Variants in PCDHGA5 observed in about 807,000 individuals in gnomAD.
PCDHGA5 encodes protocadherin gamma subfamily A, 5.
PCDHGA5 carries 36 observed loss-of-function variants against 56.7 expected under a neutral mutation model. The observed-to-expected ratio is 0.64, with a 90% CI of 0.49 to 0.84. PCDHGA5 has a LOEUF of 0.84. Ranked by LOEUF, PCDHGA5 falls within the 40% of genes least tolerant of loss-of-function variation. The pLI is 0.00. For missense variants in PCDHGA5, 1,305 were observed against 1,201.5 expected (o/e 1.09, Z -1.27); for synonymous variants, 563 against 520.2 (o/e 1.08, Z -1.12).
rs774682943 is a variant in PCDHGA5 at position 141,493,841 on chromosome 5, T to G, written c.2422-966T>G. Among the ~76,000 whole-genome samples the G allele has an allele frequency of 3.3e-5, 5 of 152,024 alleles. No homozygotes were observed. Among genetic ancestry groups the G allele is most frequent in the Non-Finnish European group, 7.4e-5 (5 of 68,010 alleles). On this transcript the variant is annotated intron_variant, in intron 1 of 3. Transcript: ENST00000518069. This position sits in a 1 kb window ranked among gnomAD's most constrained non-coding sequence, Gnocchi z 4.3. The stretch of plus-strand genomic sequence containing the variant: ...CTCTGCTTCTGGGAGCAAGTATGAG[T>G]ATTAATTACCAGCCCACCCCAGAAC...
intron 1 of PCDHGA5, chr5:141,422,851 C>A (rs1459531183): frequency 1.2e-6 from 2 of 1,614,122 alleles, no homozygotes; most frequent in African/African-American, 1.3e-5. Flanking sequence ...CGGGGACCCG[C>A]CCCTCAGCAG....
intron 1 of PCDHGA5, among the ~76,000 whole-genome samples, chr5:141,494,146 T>C (rs1167835696): frequency 1.3e-5 from 2 of 152,168 alleles, no homozygotes; most frequent in Non-Finnish European, 2.9e-5. Context: ...TCACAGACCA[T>C]TGTCTGGCAC....
intron 1 of PCDHGA5, chr5:141,413,659 A>G (rs2095663872): frequency 1.2e-6 from 2 of 1,613,830 alleles, no homozygotes; most frequent in African/African-American, 1.3e-5. Flanking sequence ...CCCGGAAGCT[A>G]TTGATCCGGA....
intron 1 of PCDHGA5, among the ~76,000 whole-genome samples, chr5:141,448,274 T>G (rs2098579713): frequency 6.6e-6 from 1 of 152,196 alleles, no homozygotes; most frequent in South Asian, 2.1e-4. Context: ...TATATACTGT[T>G]GTGCAACTTG....
chr5:141,471,630 G>T (rs2099261496), intron 1 of PCDHGA5: 1 of 152,108 alleles, frequency 6.6e-6, no homozygotes, highest in African/African-American at 2.4e-5. Context: ...GCATTGGTAT[G>T]GATTAGTAAT....
intron 1 of PCDHGA5, chr5:141,415,772 T>TTTA (rs1561760673): frequency 5.3e-6 from 7 of 1,332,980 alleles, no homozygotes; most frequent in Non-Finnish European, 6.7e-6. Flanking sequence ...TTTTTTTTTT[T>TTTA]ACTTTCTGGT....
chr5:141,454,796 A>ATTTTTTTTTTTTTTTTTTTTTTTTTTTT (rs61612330), intron 1 of PCDHGA5, among the ~76,000 whole-genome samples: 3 of 77,456 alleles, frequency 3.9e-5, no homozygotes, highest in Admixed American at 1.8e-4. Flanking sequence ...CATGGTTCTA[A>ATTTTTTTTTTTTTTTTTTTTTTTTTTTT]TTTTTTTTTT....
At chr5:141,482,356 G>T (rs1330274684) in intron 1 of PCDHGA5, among the ~76,000 whole-genome samples, 1 of 152,236 alleles carries the variant, frequency 6.6e-6, no homozygotes, top group East Asian at 1.9e-4. Flanking sequence ...TGTTGTGAGA[G>T]TGAAAAGTAA....
At position 141,432,275 on chromosome 5, in the gene PCDHGA5, T is replaced by C. The variant is rs775413198; in HGVS notation, c.2422-62532T>C. 2 of 1,614,232 alleles carry C rather than the reference T, an allele frequency of 1.2e-6. No homozygotes were observed. Among genetic ancestry groups the C allele is most frequent in the South Asian group, 2.2e-5 (2 of 91,086 alleles). On this transcript the variant is annotated intron_variant, in intron 1 of 3. Coordinates refer to ENST00000518069, the MANE Select transcript of PCDHGA5 (RefSeq NM_018918.3). This position sits in a 1 kb window ranked among gnomAD's most constrained non-coding sequence, Gnocchi z 6.0. ...AGGGGCAAGCCTATCGTCCTACGTG[T>C]CCATCAACTCCGACACTGGGGTACT... is the stretch of plus-strand genomic sequence containing the variant.
At chr5:141,414,706 A>G in intron 1 of PCDHGA5, 1 of 1,614,002 alleles carries the variant, frequency 6.2e-7, no homozygotes, top group South Asian at 1.1e-5. Context: ...ATACATATCC[A>G]TCAACTCAGA....
intron 1 of PCDHGA5, among the ~76,000 whole-genome samples, chr5:141,451,032 A>G: frequency 6.6e-6 from 1 of 150,486 alleles, no homozygotes; most frequent in Non-Finnish European, 1.5e-5. Context: ...GTTTCACCAT[A>G]TTGGCCAGGC....
chr5:141,392,735 C>T, intron 1 of PCDHGA5: 1 of 1,428,540 alleles, frequency 7.0e-7, no homozygotes, highest in East Asian at 2.5e-5. Context: ...ATTGTCATCT[C>T]CATAGCTGCG....
At chr5:141,413,199 A>T in intron 1 of PCDHGA5, 1 of 1,611,930 alleles carries the variant, frequency 6.2e-7, no homozygotes, top group Non-Finnish European at 8.5e-7. Flanking sequence ...GGAATCGCTC[A>T]AAGGAATCAA....
intron 1 of PCDHGA5, chr5:141,399,509 AC>A: frequency 6.2e-7 from 1 of 1,613,968 alleles, no homozygotes; most frequent in Non-Finnish European, 8.5e-7. Flanking sequence ...CCCGAAAACA[AC>A]CCTCCTGGGG....
intron 1 of PCDHGA5, among the ~76,000 whole-genome samples, chr5:141,469,102 A>G (rs1423904196): frequency 6.6e-6 from 1 of 151,626 alleles, no homozygotes; most frequent in East Asian, 1.9e-4. Flanking sequence ...CAAAGCAAGA[A>G]CCTGTCTCTA....
At chr5:141,380,678 T>C (rs1387633000) in intron 1 of PCDHGA5, among the ~76,000 whole-genome samples, 3 of 152,250 alleles carry the variant, frequency 2.0e-5, no homozygotes, top group Non-Finnish European at 4.4e-5. Flanking sequence ...AGGGTATGTA[T>C]GCTTTGTGTT....
In PCDHGA5 at chr5:141,393,242, C is replaced by T. The variant is rs151037104; in HGVS notation, c.2421+26491C>T. 1,015 of 1,613,778 alleles carry T rather than the reference C, an allele frequency of 6.3e-4. 8 individuals carry two copies. The African/African-American group carries it at 0.012, about 18-fold the overall frequency. ...TCGAAGATCTAGAAGTAAAAATTAA[C>T]GAAATCGCGGTTCCTGGAGCACGTT... is the stretch of plus-strand genomic sequence containing the variant. On this transcript the variant is annotated intron_variant, in intron 1 of 3. Coordinates refer to ENST00000518069, the MANE Select transcript of PCDHGA5 (RefSeq NM_018918.3).
intron 1 of PCDHGA5, chr5:141,404,152 T>C (rs769503668): frequency 1.9e-5 from 31 of 1,612,848 alleles, no homozygotes; most frequent in Non-Finnish European, 2.0e-5. Flanking sequence ...CAGAAGAAGA[T>C]TATTACAGAT....
Position 141,432,943 on chromosome 5 carries a change from A to G in PCDHGA5, c.2422-61864A>G, listed in dbSNP as rs1200038728. ...ACAAGTCACGCCTGCTGCAGGCTTC[A>G]GGAGGCGGCTTGACAGGAGCGCCGG... On this transcript the variant is annotated intron_variant, in intron 1 of 3. Transcript: ENST00000518069. This position sits in a 1 kb window ranked among gnomAD's most constrained non-coding sequence, Gnocchi z 6.0. 5.6e-6 allele frequency: 9 copies of G among 1,614,168 alleles called. No homozygotes were observed. The highest frequency in any genetic ancestry group is 1.7e-4 in the Middle Eastern group (1 of 6,060).
Sources: gnomAD v4.1 joint callset for allele counts (sites outside exome capture counted in the v4.1 genomes callset) on GRCh38, gnomAD v4.1.1 for gene constraint, Gnocchi (gnomAD v3.1) non-coding constraint, MANE v1.5 for transcripts, NCBI Gene and HGNC (gene_info 2026-07-23, HGNC 2026-07-21) for gene names.